The following CDH18 variants were observed in gnomAD, a reference collection of about 807,000 sequenced individuals.
The protein encoded by CDH18 is cadherin 18.
CDH18 carries 31 observed loss-of-function variants against 67.9 expected under a neutral mutation model. The observed-to-expected ratio is 0.46, with a 90% CI of 0.34 to 0.62. CDH18 has a LOEUF of 0.62. Ranked by LOEUF, CDH18 falls within the 20% of genes least tolerant of loss-of-function variation. The pLI is 0.01. For synonymous variants in CDH18, 362 were observed against 347.2 expected (o/e 1.04, Z -0.48); for missense variants, 890 against 975.5 (o/e 0.91, Z 1.17).
intron 3 of CDH18, among the ~76,000 whole-genome samples, chr5:19,799,397 A>G (rs528044426): frequency 6.6e-6 from 1 of 151,800 alleles, no homozygotes; most frequent in South Asian, 2.1e-4. Context: ...TTCACCTTAA[A>G]ACATGTTAAC....
intron 1 of CDH18, among the ~76,000 whole-genome samples, chr5:20,262,755 G>A (rs951921131): frequency 3.4e-4 from 51 of 152,044 alleles, no homozygotes; most frequent in Admixed American, 2.4e-3. Flanking sequence ...CATGTTGTAC[G>A]CTAGAAATAT....
In CDH18 at chr5:20,304,480, G is replaced by A. The variant is rs896859144; in HGVS notation, c.-579-48975C>T. 25 of 1,573,460 alleles carry A rather than the reference G, an allele frequency of 1.6e-5. No individual in the cohort carries two copies. In the African/African-American group the frequency reaches 2.6e-4, roughly 16 times the overall value. On this transcript the variant is annotated intron_variant, in intron 1 of 14. Coordinates refer to the CDH18 transcript ENST00000507958. ...ATTCACCACTGTCACCTTCCGCTTG[G>A]CCCTCCAATGGTTTAGTGCGAAATG... is the stretch of plus-strand genomic sequence containing the variant.
intron 1 of CDH18, chr5:20,305,484 G>T (rs935172178): frequency 1.6e-6 from 2 of 1,241,918 alleles, no homozygotes; most frequent in African/African-American, 1.5e-5. Flanking sequence ...CGCTGCACTC[G>T]CTGGGTCTTG....
At chr5:19,977,706 AC>A (rs1226990909) in intron 2 of CDH18, among the ~76,000 whole-genome samples, 1 of 121,916 alleles carries the variant, frequency 8.2e-6, no homozygotes, top group Non-Finnish European at 2.0e-5. Flanking sequence ...ATTTTTTTAT[AC>A]CCTTGAAATT....
intron 7 of CDH18, among the ~76,000 whole-genome samples, chr5:19,580,434 T>G (rs944556982): frequency 6.6e-6 from 1 of 151,894 alleles, no homozygotes; most frequent in Admixed American, 6.6e-5. Flanking sequence ...AAAAATATTA[T>G]CTAATTCATT....
At chr5:20,305,528 G>C (rs1486014195) in intron 1 of CDH18, 1 of 863,382 alleles carries the variant, frequency 1.2e-6, no homozygotes, top group Non-Finnish European at 2.0e-6. Flanking sequence ...GCGGCGCAGG[G>C]GTCTCGAGCG....
intron 2 of CDH18, among the ~76,000 whole-genome samples, chr5:19,856,248 G>C (rs1784274627): frequency 6.6e-6 from 1 of 152,152 alleles, no homozygotes; most frequent in South Asian, 2.1e-4. Flanking sequence ...TTGAAGATAG[G>C]GCTAGGTGTC....
intron 5 of CDH18, among the ~76,000 whole-genome samples, chr5:19,695,557 T>C (rs996856569): frequency 2.0e-5 from 3 of 152,248 alleles, no homozygotes; most frequent in Admixed American, 6.5e-5. Context: ...TAATAACAAA[T>C]AGTCATAAAA....
intron 2 of CDH18, among the ~76,000 whole-genome samples, chr5:19,973,675 C>T (rs138265512): frequency 6.6e-6 from 1 of 152,062 alleles, no homozygotes; most frequent in Non-Finnish European, 1.5e-5. Flanking sequence ...GGACAAGAAG[C>T]TTACCATAAA....
intron 2 of CDH18, among the ~76,000 whole-genome samples, chr5:20,038,420 T>A (rs1740089756): frequency 6.6e-6 from 1 of 151,570 alleles, no homozygotes. Context: ...AAGGCCAATA[T>A]CCCTGCATCA....
intron 2 of CDH18, among the ~76,000 whole-genome samples, chr5:20,248,108 G>C (rs557536786): frequency 6.6e-6 from 1 of 152,116 alleles, no homozygotes; most frequent in African/African-American, 2.4e-5. Context: ...TGTGTGATCA[G>C]TGAATTTTTT....
intron 2 of CDH18, among the ~76,000 whole-genome samples, chr5:20,166,042 T>A (rs1053164217): frequency 6.6e-6 from 1 of 152,174 alleles, no homozygotes; most frequent in African/African-American, 2.4e-5. Context: ...CCACATTGCT[T>A]AGGCAATTAA....
At chr5:20,256,812 G>C (rs1442837620) in intron 1 of CDH18, among the ~76,000 whole-genome samples, 1 of 151,960 alleles carries the variant, frequency 6.6e-6, no homozygotes, top group Non-Finnish European at 1.5e-5. Context: ...GAAATTTAAG[G>C]ACTGAGTCCT....
At chr5:19,803,180 T>C (rs1329222661) in intron 3 of CDH18, among the ~76,000 whole-genome samples, 1 of 152,222 alleles carries the variant, frequency 6.6e-6, no homozygotes, top group Non-Finnish European at 1.5e-5. Flanking sequence ...ATGCATGCTA[T>C]CTGAAACCAA....
intron 3 of CDH18, among the ~76,000 whole-genome samples, chr5:19,822,488 G>T (rs1286337418): frequency 3.3e-5 from 5 of 152,124 alleles, no homozygotes; most frequent in African/African-American, 1.2e-4. Flanking sequence ...GTGTCAGCCA[G>T]TTTGAGAAAT....
chr5:20,036,873 T>C (rs1739910344), intron 2 of CDH18, among the ~76,000 whole-genome samples: 1 of 152,152 alleles, frequency 6.6e-6, no homozygotes, highest in Admixed American at 6.6e-5. Context: ...TGTAATGCCC[T>C]TCTTTGTCTT....
chr5:19,813,053 C>T (rs1268956215), intron 3 of CDH18, among the ~76,000 whole-genome samples: 1 of 152,020 alleles, frequency 6.6e-6, no homozygotes, highest in African/African-American at 2.4e-5. Context: ...GAAAACCAAA[C>T]ACCGCATGTT....
intron 2 of CDH18, among the ~76,000 whole-genome samples, chr5:20,072,021 G>A (rs1249822827): frequency 3.3e-5 from 5 of 152,010 alleles, no homozygotes; most frequent in African/African-American, 1.2e-4. Flanking sequence ...CTAACATTGG[G>A]ATTTTTAACA....
At position 20,315,477 on chromosome 5, in the gene CDH18, G is replaced by A. The variant is rs541083983; in HGVS notation, c.-579-59972C>T. 3.9e-5 allele frequency among the ~76,000 whole-genome samples: 6 copies of A among 152,170 alleles called. No homozygotes were observed. In the East Asian group the frequency reaches 1.2e-3, roughly 29 times the overall value. On this transcript the variant is annotated intron_variant, in intron 1 of 14. Coordinates refer to the CDH18 transcript ENST00000507958. ...ATTCTAATTGATATCATGGAGTCCT[G>A]AAACTCTATGCTAAATCCTATAGTG... is the stretch of plus-strand genomic sequence containing the variant.
Sources: gnomAD v4.1 joint callset for allele counts (sites outside exome capture counted in the v4.1 genomes callset) on GRCh38, gnomAD v4.1.1 for gene constraint, MANE v1.5 for transcripts, NCBI Gene and HGNC (gene_info 2026-07-23, HGNC 2026-07-21) for gene names.